The following DCAF6 variants were observed in gnomAD, a reference collection of about 807,000 sequenced individuals.
DCAF6 encodes the protein DDB1 and CUL4 associated factor 6.
A neutral mutation model predicts 125.1 loss-of-function variants in DCAF6; 54 were observed. The ratio of observed to expected loss-of-function variants is 0.43; its 90% CI spans 0.35 to 0.54. The LOEUF (loss-of-function observed/expected upper bound fraction) is 0.54, where lower values mean the gene tolerates loss of function less well. Among genes scored for constraint, DCAF6 ranks in the 20% least tolerant of loss-of-function variants. The pLI is 0.01. For synonymous variants in DCAF6, 371 were observed against 390.4 expected (o/e 0.95, Z 0.58); for missense variants, 934 against 1,161.7 (o/e 0.80, Z 2.85).
chr1:168,009,605 C>T (rs12096539), intron 10 of DCAF6, among the ~76,000 whole-genome samples: 20,770 of 149,716 alleles, frequency 0.14, 1,893 homozygotes, highest in African/African-American at 0.26. Context: ...TTTTCTTTCC[C>T]TCTTTCCTTC....
At chr1:168,064,248 A>G (rs1406548965) in intron 18 of DCAF6, among the ~76,000 whole-genome samples, 1 of 152,230 alleles carries the variant, frequency 6.6e-6, no homozygotes, top group East Asian at 1.9e-4. Flanking sequence ...CAGATGAAAT[A>G]AGAATAGACC....
chr1:168,073,931 ATCTT>A (rs1379654293), intron 21 of DCAF6, among the ~76,000 whole-genome samples: 16 of 149,090 alleles, frequency 1.1e-4, no homozygotes, highest in Non-Finnish European at 2.4e-4. Context: ...GTCTATTCAA[ATCTT>A]ATTTTGTTCA....
At chr1:167,902,536 C>T in the DCAF6 span, among the ~76,000 whole-genome samples, 1 of 152,298 alleles carries the variant, frequency 6.6e-6, no homozygotes, top group East Asian at 1.9e-4. Context: ...TTTATTTAGA[C>T]GGTATGGCAT....
At chr1:167,918,091 T>G in the DCAF6 span, 3 of 425,104 alleles carry the variant, frequency 7.1e-6, no homozygotes, top group Non-Finnish European at 1.3e-5. Flanking sequence ...GTATGGTTTA[T>G]TACGGACAAA....
chr1:168,017,997 A>C (rs1460972138), intron 11 of DCAF6, among the ~76,000 whole-genome samples: 1 of 152,188 alleles, frequency 6.6e-6, no homozygotes, highest in Non-Finnish European at 1.5e-5. Context: ...GAAACCAAGA[A>C]ATTTTAAAAA....
chr1:167,935,633 T>TA, upstream of DCAF6: 1 of 915,090 alleles, frequency 1.1e-6, no homozygotes, highest in South Asian at 1.5e-5. Flanking sequence ...ATTGGGGCTG[T>TA]GGATGCCTCT....
intron 14 of DCAF6, among the ~76,000 whole-genome samples, chr1:168,044,055 T>C (rs1476610311): frequency 6.6e-6 from 1 of 152,144 alleles, no homozygotes; most frequent in African/African-American, 2.4e-5. Flanking sequence ...GAAGCTCAAT[T>C]CCTGGGCTTC....
At chr1:167,867,635 GA>G in the DCAF6 span, among the ~76,000 whole-genome samples, 1 of 152,026 alleles carries the variant, frequency 6.6e-6, no homozygotes, top group African/African-American at 2.4e-5. Flanking sequence ...ATAAATTAAG[GA>G]CTGGTCCTTT....
At position 168,075,471 on chromosome 1, in the gene DCAF6, A is replaced by G; in HGVS notation, c.*36A>G. 8 of 1,529,294 alleles carry G rather than the reference A, an allele frequency of 5.2e-6. No individual in the cohort carries two copies. The highest frequency in any genetic ancestry group is 7.1e-6 in the Non-Finnish European group (8 of 1,132,430). 94.7% of individuals were successfully genotyped at this position (1,529,294 alleles called of 1,614,324 possible). On this transcript the variant is annotated 3_prime_UTR_variant, in exon 22 of 22. Coordinates refer to ENST00000367840, the MANE Select transcript of DCAF6 (RefSeq NM_001198956.2). ...TTGGCAAGCACTTAAATGTTCTGAA[A>G]TTTGTATAAGACATTTATTATATTT...
chr1:167,981,903 A>T (rs1679223252), intron 4 of DCAF6, among the ~76,000 whole-genome samples: 2 of 152,174 alleles, frequency 1.3e-5, no homozygotes, highest in African/African-American at 4.8e-5. Context: ...CAGGATTGGG[A>T]TTGCTGGGTT....
chr1:167,893,913 C>T, the DCAF6 span: 1 of 1,613,432 alleles, frequency 6.2e-7, no homozygotes, highest in African/African-American at 1.3e-5. Context: ...CAGGATCAGG[C>T]TTCAGCGTGC....
chr1:167,972,097 C>T (rs1677417984), intron 3 of DCAF6, among the ~76,000 whole-genome samples: 2 of 152,184 alleles, frequency 1.3e-5, no homozygotes, highest in South Asian at 4.1e-4. Context: ...TTCAGGTGAT[C>T]CAGCTGCCTT....
At chr1:167,925,451 A>ATATATC in the DCAF6 span, among the ~76,000 whole-genome samples, 1 of 109,430 alleles carries the variant, frequency 9.1e-6, no homozygotes, top group African/African-American at 3.9e-5. Flanking sequence ...ACATATATAT[A>ATATATC]TATATATATA....
chr1:167,973,780 G>A (rs1677714326), intron 3 of DCAF6, among the ~76,000 whole-genome samples: 2 of 152,034 alleles, frequency 1.3e-5, no homozygotes, highest in Non-Finnish European at 2.9e-5. Flanking sequence ...TATCTGTTAT[G>A]GGGATATACT....
At chr1:167,920,421 TA>T in the DCAF6 span, 1 of 980,676 alleles carries the variant, frequency 1.0e-6, no homozygotes, top group Non-Finnish European at 1.5e-6. Flanking sequence ...TTCCTAGACA[TA>T]ATACTGTTAA....
At chr1:167,864,622 A>C in the DCAF6 span, among the ~76,000 whole-genome samples, 1 of 152,294 alleles carries the variant, frequency 6.6e-6, no homozygotes, top group African/African-American at 2.4e-5. Flanking sequence ...AGAAAGTCAA[A>C]GAGAGAAAGA....
chr1:167,994,269 C>G (rs1681309473), intron 7 of DCAF6, among the ~76,000 whole-genome samples: 1 of 151,924 alleles, frequency 6.6e-6, no homozygotes, highest in Non-Finnish European at 1.5e-5. Context: ...AAATGTTTAT[C>G]TTAACTTTGT....
At chr1:167,866,835 G>A in the DCAF6 span, among the ~76,000 whole-genome samples, 4 of 150,796 alleles carry the variant, frequency 2.7e-5, no homozygotes, top group Non-Finnish European at 5.9e-5. Flanking sequence ...CTCTGGCCAA[G>A]GCCAGTGGCC....
chr1:168,063,105 G>A (rs1017114505), intron 17 of DCAF6, among the ~76,000 whole-genome samples: 1 of 151,800 alleles, frequency 6.6e-6, no homozygotes, highest in East Asian at 1.9e-4. Context: ...TAGAGATGGG[G>A]TTTCATTATT....
Sources: gnomAD v4.1 joint callset for allele counts (sites outside exome capture counted in the v4.1 genomes callset) on GRCh38, gnomAD v4.1.1 for gene constraint, MANE v1.5 for transcripts, NCBI Gene and HGNC (gene_info 2026-07-23, HGNC 2026-07-21) for gene names.